Variants in STEAP1B observed in about 807,000 individuals in gnomAD.
STEAP1B encodes STEAP family member 1B.
A neutral mutation model predicts 27.9 loss-of-function variants in STEAP1B; 13 were observed. That is an observed-to-expected ratio of 0.47 (90% CI 0.30 to 0.74). The LOEUF is 0.74. Among genes scored for constraint, STEAP1B ranks in the 30% least tolerant of loss-of-function variants. STEAP1B has a pLI of 0.06. For synonymous variants in STEAP1B, 86 were observed against 107.1 expected, an observed-to-expected ratio of 0.80 and a Z score of 1.22; for missense variants, 250 against 298.7, an observed-to-expected ratio of 0.84 and a Z score of 1.20.
At chr7:22,422,466 T>C (rs755375129) in intron 4 of STEAP1B, among the ~76,000 whole-genome samples, 1 of 152,016 alleles carries the variant, frequency 6.6e-6, no homozygotes, top group African/African-American at 2.4e-5. Flanking sequence ...AGGTGAGTCC[T>C]TGGAAAATAA....
chr7:22,492,773 T>C (rs759873439), intron 3 of STEAP1B, 44 bp from the exon 4 acceptor site: 7 of 1,555,710 alleles, frequency 4.5e-6, no homozygotes, highest in Non-Finnish European at 6.1e-6. Flanking sequence ...AAACAACAGT[T>C]ATTTCCTGAA....
At chr7:22,475,898 T>C (rs1785963608) in intron 4 of STEAP1B, among the ~76,000 whole-genome samples, 1 of 152,186 alleles carries the variant, frequency 6.6e-6, no homozygotes, top group Non-Finnish European at 1.5e-5. Flanking sequence ...CTGTCTGCCT[T>C]TTTTAAGCAG....
chr7:22,432,903 G>T (rs1482077633), intron 4 of STEAP1B, among the ~76,000 whole-genome samples: 2 of 152,166 alleles, frequency 1.3e-5, no homozygotes, highest in African/African-American at 4.8e-5. Flanking sequence ...TCTTGTTAGA[G>T]AAATGCTCTC....
At chr7:22,490,449 T>C (rs543646217) in intron 4 of STEAP1B, among the ~76,000 whole-genome samples, 1 of 152,364 alleles carries the variant, frequency 6.6e-6, no homozygotes, top group African/African-American at 2.4e-5. Flanking sequence ...AAATGATCCA[T>C]TGGTTAGATC....
chr7:22,421,676 A>T (rs1459095245), intron 4 of STEAP1B, among the ~76,000 whole-genome samples: 1 of 152,244 alleles, frequency 6.6e-6, no homozygotes, highest in African/African-American at 2.4e-5. Flanking sequence ...AGATATAATG[A>T]GGGGAAGCCC....
At chr7:22,457,386 A>G (rs34426297) in intron 4 of STEAP1B, among the ~76,000 whole-genome samples, 14,844 of 152,256 alleles carry the variant, frequency 0.097, 927 homozygotes, top group East Asian at 0.3. Context: ...CAATTAGCCA[A>G]TTGTGGCCCA....
In STEAP1B at chr7:22,495,989, G is replaced by T. The variant is rs553413862; in HGVS notation, c.-31-1103C>A. On this transcript the variant is annotated intron_variant, in intron 1 of 4. Coordinates refer to ENST00000678116, the MANE Select transcript of STEAP1B (RefSeq NM_001382447.1). The stretch of plus-strand genomic sequence containing the variant: ...AGCTAACTGTAAACAGCCCTAGGCA[G>T]GTCCTTCAGGAGGTCTTCCAGAAGA... 2.6e-5 allele frequency among the ~76,000 whole-genome samples: 4 copies of T among 152,282 alleles called. No homozygotes were observed. In the South Asian group the frequency reaches 8.3e-4, roughly 32 times the overall value.
At chr7:22,467,697 G>A (rs113379169) in intron 4 of STEAP1B, among the ~76,000 whole-genome samples, 3,547 of 152,166 alleles carry the variant, frequency 0.023, 107 homozygotes, top group African/African-American at 0.069. Context: ...CATGTGAGAC[G>A]TGCCTTTTAC....
intron 4 of STEAP1B, among the ~76,000 whole-genome samples, chr7:22,487,804 C>CAAAAAAAAA (rs200447382): frequency 3.7e-5 from 3 of 81,372 alleles, no homozygotes; most frequent in Admixed American, 1.3e-4. Context: ...AAACTCCACC[C>CAAAAAAAAA]AAAAAAAAAA....
rs138600469 is a variant in STEAP1B, at chr7:22,420,445, T to C, written c.763-609A>G. On this transcript the variant is annotated intron_variant, in intron 4 of 4. Transcript: ENST00000678116. ...GCTCATATCAACCTGTAAGAACCAATCATATGCATCTTTTCTCAGCTTCAC... is the reference window on the plus strand; with the variant it reads ...GCTCATATCAACCTGTAAGAACCAACCATATGCATCTTTTCTCAGCTTCAC... Among the ~76,000 whole-genome samples the C allele has an allele frequency of 1.8e-4, 28 of 152,274 alleles. No individual in the cohort carries two copies. In the East Asian group the frequency reaches 5.4e-3, roughly 29 times the overall value.
intron 4 of STEAP1B, among the ~76,000 whole-genome samples, chr7:22,429,705 T>A (rs1785154283): frequency 6.6e-6 from 1 of 152,230 alleles, no homozygotes; most frequent in African/African-American, 2.4e-5. Context: ...TTTATTTTTT[T>A]AAATTTCTAT....
At chr7:22,466,537 C>T (rs1738911333) in intron 4 of STEAP1B, among the ~76,000 whole-genome samples, 1 of 152,066 alleles carries the variant, frequency 6.6e-6, no homozygotes, top group African/African-American at 2.4e-5. Context: ...CCAAAGGAAA[C>T]CAACCCTGCC....
At chr7:22,434,355 C>A (rs951699075) in intron 4 of STEAP1B, among the ~76,000 whole-genome samples, 1 of 152,178 alleles carries the variant, frequency 6.6e-6, no homozygotes, top group Non-Finnish European at 1.5e-5. Context: ...GTCACATCGC[C>A]CCCAGAGTCA....
intron 4 of STEAP1B, among the ~76,000 whole-genome samples, chr7:22,459,203 G>C (rs117551394): frequency 7.2e-4 from 109 of 152,320 alleles, no homozygotes; most frequent in Non-Finnish European, 1.2e-3. Context: ...CATAGGCACA[G>C]GCTTTGATTC....
chr7:22,488,083 C>T (rs1406497341), intron 4 of STEAP1B, among the ~76,000 whole-genome samples: 2 of 152,140 alleles, frequency 1.3e-5, no homozygotes, highest in African/African-American at 4.8e-5. Flanking sequence ...GCTGCACATA[C>T]CTCCAACCAC....
intron 4 of STEAP1B, among the ~76,000 whole-genome samples, chr7:22,440,036 T>C (rs992115939): frequency 1.3e-5 from 2 of 152,206 alleles, no homozygotes; most frequent in African/African-American, 4.8e-5. Flanking sequence ...TCTTTAAATG[T>C]TGGTTGCATT....
rs530334342 is a variant in STEAP1B, at chr7:22,484,389, G to A, written c.762+8176C>T. Among the ~76,000 whole-genome samples the A allele has an allele frequency of 3.0e-4, 45 of 152,272 alleles. No homozygotes were observed. In the South Asian group the frequency reaches 8.9e-3, roughly 30 times the overall value. On this transcript the variant is annotated intron_variant, in intron 4 of 4. Transcript: ENST00000678116. ...CTAAATCTACTCAGCCTGTGCTCTA[G>A]ACATGGCACAAAACCTGGATGACAA...
rs3064738 is a variant in STEAP1B, at chr7:22,456,972, A to ATTT, written c.762+35590_762+35592dup. Among the ~76,000 whole-genome samples, 17 of 56,974 alleles carry ATTT rather than the reference A, an allele frequency of 3.0e-4. 1 individual carries two copies. The highest frequency in any genetic ancestry group is 9.8e-4 in the African/African-American group (14 of 14,222). The allele number at this position is 56,974 out of a possible 152,430, so 37.4% of individuals were successfully genotyped here. A position where few individuals can be genotyped will look rare whatever the true frequency, so the allele number is the denominator to read the frequency against. On this transcript the variant is annotated intron_variant, in intron 4 of 4. Transcript: ENST00000678116. Reference sequence around the variant, plus strand: ...GGCAGCTATATATATATATATATATATTTTTTTTTTTTTTAAGTATCCTGG... The same window carrying ATTT: ...GGCAGCTATATATATATATATATATATTTTTTTTTTTTTTTTTAAGTATCCTGG...
At chr7:22,475,787 A>C (rs1785961424) in intron 4 of STEAP1B, among the ~76,000 whole-genome samples, 1 of 152,228 alleles carries the variant, frequency 6.6e-6, no homozygotes, top group Non-Finnish European at 1.5e-5. Context: ...CCTGTGGAAC[A>C]CAGGCTATCC....
Sources: gnomAD v4.1 joint callset for allele counts (sites outside exome capture counted in the v4.1 genomes callset) on GRCh38, gnomAD v4.1.1 for gene constraint, MANE v1.5 for transcripts, NCBI Gene and HGNC (gene_info 2026-07-23, HGNC 2026-07-21) for gene names.